PCM1: variants seen among roughly 807,000 people sequenced by gnomAD.
PCM1 encodes pericentriolar material 1 protein.
In PCM1, 157 loss-of-function variants were observed where a neutral mutation model predicts 241.9. The observed-to-expected ratio is 0.65, with a 90% CI of 0.57 to 0.74. The LOEUF is 0.74. Ranked by LOEUF, PCM1 falls within the 30% of genes least tolerant of loss-of-function variation. The pLI is 0.00. For missense variants in PCM1, 3,478 were observed against 2,360.1 expected, an observed-to-expected ratio of 1.47 and a Z score of -9.81; for synonymous variants, 1,085 against 784.9, an observed-to-expected ratio of 1.38 and a Z score of -6.39.
rs530319994 is a variant in PCM1 at position 17,969,139 on chromosome 8, G to A, written c.3413-438G>A. Reference sequence around the variant, plus strand: ...AAAATAGAGTAGAAACAACATAAGCGTAGGAGTCATACAGACCTGAGATCT... The same window carrying A: ...AAAATAGAGTAGAAACAACATAAGCATAGGAGTCATACAGACCTGAGATCT... On this transcript the variant is annotated intron_variant, in intron 21 of 38. Transcript: ENST00000325083. Among the ~76,000 whole-genome samples the A allele has an allele frequency of 3.9e-5, 6 of 152,138 alleles. No individual in the cohort carries two copies. In the South Asian group the frequency reaches 6.2e-4, roughly 16 times the overall value.
Position 17,959,976 on chromosome 8 carries a change from G to A in PCM1, c.2041-38G>A, listed in dbSNP as rs373124760. 314 of 1,576,338 alleles carry A rather than the reference G, an allele frequency of 2.0e-4. 1 individual carries two copies. In the African/African-American group the frequency reaches 4.1e-3, roughly 20 times the overall value. Reference sequence around the variant, plus strand: ...AGGTATGAATTGGATAATGTCTTGAGGTATCAAGATTGTTTTAATGTAATG... The same window carrying A: ...AGGTATGAATTGGATAATGTCTTGAAGTATCAAGATTGTTTTAATGTAATG... On this transcript the variant is annotated intron_variant, in intron 13 of 38. Transcript: ENST00000325083.
rs2092832321 is a variant in PCM1, at chr8:18,013,949, A to AT, written c.5512-10dup. ...ATATTTCAGGCCCTGCTATTAAAACATTTTTCCCTTCTAGGTCCTACAACG... is the reference window on the plus strand; with the variant it reads ...ATATTTCAGGCCCTGCTATTAAAACATTTTTTCCCTTCTAGGTCCTACAACG... On this transcript the variant is annotated splice_polypyrimidine_tract_variant and intron_variant, in intron 34 of 38. Coordinates refer to ENST00000325083, the MANE Select transcript of PCM1 (RefSeq NM_006197.4). 1 of 1,558,800 alleles carries AT rather than the reference A, an allele frequency of 6.4e-7. No individual in the cohort carries two copies. Among genetic ancestry groups the AT allele is most frequent in the Admixed American group, 1.8e-5 (1 of 55,250 alleles).
At chr8:18,013,105 T>C (rs938152839) in intron 34 of PCM1, among the ~76,000 whole-genome samples, 5 of 152,172 alleles carry the variant, frequency 3.3e-5, no homozygotes, top group Non-Finnish European at 5.9e-5. Flanking sequence ...TATCTATTGG[T>C]CTTTTCTTTG....
chr8:17,983,318 C>G (rs1157946322), intron 24 of PCM1: 5 of 1,301,772 alleles, frequency 3.8e-6, no homozygotes, highest in Middle Eastern at 2.1e-4. Context: ...TTGGTGTCCA[C>G]TTTTTGTTAA....
chr8:17,955,355 A>G (rs1278424398), intron 9 of PCM1, 115 bp from the exon 10 acceptor site: 23 of 660,288 alleles, frequency 3.5e-5, no homozygotes, highest in Non-Finnish European at 5.0e-5. Flanking sequence ...TTAAATCTGC[A>G]GAAATTAAGT....
intron 29 of PCM1, among the ~76,000 whole-genome samples, chr8:18,004,344 A>C (rs2090631110): frequency 6.6e-6 from 1 of 152,190 alleles, no homozygotes; most frequent in South Asian, 2.1e-4. Context: ...AGTTGGCTAA[A>C]GTGGCTAGTG....
Position 17,985,520 on chromosome 8 carries a change from T to A in PCM1, c.4182T>A (p.Ser1394=). 6.3e-7 allele frequency: 1 copy of A among 1,582,360 alleles called. No individual in the cohort carries two copies. The highest frequency in any genetic ancestry group is 8.6e-7 in the Non-Finnish European group (1 of 1,161,280). Residue 1394 remains serine, a synonymous_variant, in exon 25 of 39, where the codon TCT becomes TCA. Coordinates refer to ENST00000325083, the MANE Select transcript of PCM1 (RefSeq NM_006197.4). ...TIYSEVATLI[S]QNESRPHFLI... ...ATTCTGAAGTAGCTACATTAATTTCTCAAAATGAATCTCGTCCACATTTTC... is the reference window on the plus strand; with the variant it reads ...ATTCTGAAGTAGCTACATTAATTTCACAAAATGAATCTCGTCCACATTTTC...
intron 7 of PCM1, among the ~76,000 whole-genome samples, chr8:17,949,881 ATTG>A (rs1011244464): frequency 6.6e-6 from 1 of 152,184 alleles, no homozygotes; most frequent in African/African-American, 2.4e-5. Flanking sequence ...TATCATGAAA[ATTG>A]TTGTCACAAA....
At chr8:17,990,284 C>G (rs2084092427) in intron 27 of PCM1, among the ~76,000 whole-genome samples, 1 of 151,858 alleles carries the variant, frequency 6.6e-6, no homozygotes, top group Admixed American at 6.6e-5. Context: ...TTTCCTTTTC[C>G]TTAAAGGAAA....
rs760263067 is a variant in PCM1 at position 17,934,013 on chromosome 8, G to A, written c.-22-1576G>A. Among the ~76,000 whole-genome samples the A allele has an allele frequency of 8.7e-4, 132 of 151,726 alleles. 2 individuals carry two copies. The highest frequency in any genetic ancestry group is 3.5e-4 in the Non-Finnish European group (24 of 67,954). ...GGGTCAATGTATTTGTGATTTTTAA[G>A]ATTTTTAAAATTAATACTTCGTTGA... On this transcript the variant is annotated intron_variant, in intron 2 of 38. Coordinates refer to ENST00000325083, the MANE Select transcript of PCM1 (RefSeq NM_006197.4).
In PCM1 at chr8:18,027,730, T is replaced by TAAAC. The variant is rs918317117; in HGVS notation, c.*70_*73dup. On this transcript the variant is annotated 3_prime_UTR_variant, in exon 39 of 39. Coordinates refer to ENST00000325083, the MANE Select transcript of PCM1 (RefSeq NM_006197.4). ...ATGCATATATGAAAACAATACTAAA[T>TAAAC]AAACATCTGATCTGTATAAAAATGT... 8.0e-6 allele frequency: 9 copies of TAAAC among 1,123,638 alleles called. No individual in the cohort carries two copies. The highest frequency in any genetic ancestry group is 4.8e-5 in the East Asian group (2 of 41,756). 69.6% of individuals were successfully genotyped at this position (1,123,638 alleles called of 1,614,324 possible). A position where few individuals can be genotyped will look rare whatever the true frequency, so the allele number is the denominator to read the frequency against.
chr8:17,942,008 T>C lies in PCM1; in HGVS notation c.783+2147T>C, dbSNP rs544023589. Among the ~76,000 whole-genome samples the C allele has an allele frequency of 1.3e-4, 20 of 152,202 alleles. No homozygotes were observed. The East Asian group carries it at 3.3e-3, about 25-fold the overall frequency. On this transcript the variant is annotated intron_variant, in intron 6 of 38. Transcript: ENST00000325083. ...AAATTCTGTCCCTTACTGTTTTTTTTCTACTTTGTTATATACCTCTCCATG... is the reference window on the plus strand; with the variant it reads ...AAATTCTGTCCCTTACTGTTTTTTTCCTACTTTGTTATATACCTCTCCATG...
intron 8 of PCM1, among the ~76,000 whole-genome samples, chr8:17,951,795 A>T (rs1199570576): frequency 6.6e-6 from 1 of 152,218 alleles, no homozygotes; most frequent in African/African-American, 2.4e-5. Flanking sequence ...TTAAATCTGT[A>T]ATGTTATATT....
chr8:17,927,590 G>C (rs557856765), intron 2 of PCM1: 1 of 152,066 alleles, frequency 6.6e-6, no homozygotes, highest in East Asian at 1.9e-4. Context: ...TCTTGCTCTG[G>C]CACCCACTGG....
intron 32 of PCM1, among the ~76,000 whole-genome samples, chr8:18,010,954 C>T (rs751093698): frequency 9.2e-5 from 14 of 152,180 alleles, no homozygotes; most frequent in African/African-American, 3.4e-4. Context: ...GCCTGGGCAA[C>T]AGAGCTAGAC....
At chr8:17,968,681 A>G (rs1346686968) in intron 21 of PCM1, among the ~76,000 whole-genome samples, 2 of 151,640 alleles carry the variant, frequency 1.3e-5, no homozygotes, top group African/African-American at 4.8e-5. Flanking sequence ...TCTTACATAC[A>G]TATATTACAG....
intron 18 of PCM1, 70 bp from the exon 19 acceptor site, chr8:17,965,929 G>T: frequency 1.9e-6 from 2 of 1,027,818 alleles, no homozygotes; most frequent in East Asian, 2.5e-5. Context: ...CTGAGTATCA[G>T]AGTTTATTGC....
At chr8:18,017,714 G>A (rs900448873) in intron 36 of PCM1, among the ~76,000 whole-genome samples, 1 of 152,156 alleles carries the variant, frequency 6.6e-6, no homozygotes, top group African/African-American at 2.4e-5. Flanking sequence ...TTAGCCAGGC[G>A]TGGTGACACA....
intron 29 of PCM1, among the ~76,000 whole-genome samples, chr8:17,995,241 A>T (rs919828505): frequency 6.6e-6 from 1 of 151,598 alleles, no homozygotes; most frequent in East Asian, 1.9e-4. Flanking sequence ...ATTCCTCTGC[A>T]TATGGATATC....
Sources: allele counts gnomAD v4.1 joint callset (sites outside exome capture counted in the v4.1 genomes callset), GRCh38; gene constraint gnomAD v4.1.1; transcripts MANE v1.5; gene names NCBI Gene and HGNC (gene_info 2026-07-23, HGNC 2026-07-21).